The following RASGEF1B variants were observed in gnomAD, a reference collection of about 807,000 sequenced individuals.
The protein encoded by RASGEF1B is RasGEF domain family member 1B, also known as ras-GEF domain-containing family member 1B.
Under a neutral mutation model 65.7 loss-of-function variants are expected in RASGEF1B, and 30 were observed. That is an observed-to-expected ratio of 0.46 (90% CI 0.34 to 0.62). RASGEF1B has a LOEUF of 0.62. Among genes scored for constraint, RASGEF1B ranks in the 20% least tolerant of loss-of-function variants. The pLI is 0.01. For synonymous variants in RASGEF1B, 175 were observed against 194.8 expected, an observed-to-expected ratio of 0.90 and a Z score of 0.85; for missense variants, 495 against 580.1, an observed-to-expected ratio of 0.85 and a Z score of 1.51.
intron 1 of RASGEF1B, among the ~76,000 whole-genome samples, chr4:81,471,467 C>A (rs187567720): frequency 0.013 from 1,920 of 152,270 alleles, 38 homozygotes; most frequent in African/African-American, 0.044. Context: ...CGGGTCCCAG[C>A]GGCTCGGCCT....
At chr4:81,452,583 C>T (rs1332291070) in intron 4 of RASGEF1B, 2 of 152,168 alleles carry the variant, frequency 1.3e-5, no homozygotes, top group African/African-American at 4.8e-5. Flanking sequence ...ATGTATATGA[C>T]CTCTTTTAAA....
chr4:81,448,126 G>C lies in RASGEF1B; in HGVS notation c.597C>G (p.Ile199Met), dbSNP rs755985303. Reference sequence around the variant, plus strand: ...TGTAAGGGTCGTTGCAGACAGTAATGATATCCCTTTGTATAGACTGTGGCT... The same window carrying C: ...TGTAAGGGTCGTTGCAGACAGTAATCATATCCCTTTGTATAGACTGTGGCT... ...KTKPQSIQRD[I>M]ITVCNDPYTL... The change falls in exon 5 of 14, where the codon ATC becomes ATG. Residue 199 changes from isoleucine to methionine, a missense_variant. By Grantham distance (10) the Ile-to-Met change is conservative (BLOSUM62 1). Transcript: ENST00000264400. 1 of 1,614,154 alleles carries C rather than the reference G, an allele frequency of 6.2e-7. No individual in the cohort carries two copies. The highest frequency in any genetic ancestry group is 2.2e-5 in the East Asian group (1 of 44,872).
At chr4:81,431,354 C>A (rs905615774) in intron 13 of RASGEF1B, among the ~76,000 whole-genome samples, 1 of 151,732 alleles carries the variant, frequency 6.6e-6, no homozygotes, top group Non-Finnish European at 1.5e-5. Context: ...TAGGCATTAG[C>A]CAAACCTTCT....
At chr4:81,465,871 T>G (rs1722784933) in intron 1 of RASGEF1B, among the ~76,000 whole-genome samples, 1 of 152,148 alleles carries the variant, frequency 6.6e-6, no homozygotes, top group Admixed American at 6.5e-5. Flanking sequence ...GAATGTCAAG[T>G]CAGCATTTCC....
In RASGEF1B at chr4:81,432,353, T is replaced by C. The variant is rs756500953; in HGVS notation, c.1343A>G (p.Tyr448Cys). ...FSEDALYLAS[Y>C]ESEGPENHIE... ...ATGATTTTCAGGTCCTTCACTCTCATAAGAAGCCAAGTAGAGAGCTACAAT... is the reference window on the plus strand; with the variant it reads ...ATGATTTTCAGGTCCTTCACTCTCACAAGAAGCCAAGTAGAGAGCTACAAT... Residue 448 changes from tyrosine (Y) to cysteine (C), a missense_variant, in exon 13 of 14, where the codon TAT (tyrosine) becomes TGT (cysteine). Tyr to Cys is a radical substitution (Grantham distance 194). Transcript: ENST00000264400. 6.2e-6 allele frequency: 10 copies of C among 1,608,794 alleles called. No homozygotes were observed. Among genetic ancestry groups the C allele is most frequent in the Admixed American group, 3.3e-5 (2 of 59,876 alleles).
At chr4:81,462,921 T>G (rs1217902970) in intron 1 of RASGEF1B, among the ~76,000 whole-genome samples, 1 of 152,172 alleles carries the variant, frequency 6.6e-6, no homozygotes, top group African/African-American at 2.4e-5. Context: ...TTTGACTATA[T>G]AAGAAGCTGA....
At chr4:81,451,123 C>T (rs1038700741) in intron 4 of RASGEF1B, 3 of 152,088 alleles carry the variant, frequency 2.0e-5, no homozygotes, top group Non-Finnish European at 2.9e-5. Context: ...ATACATGTTA[C>T]AAAGTTGAAG....
chr4:81,441,388 T>G (rs535449961), intron 9 of RASGEF1B, among the ~76,000 whole-genome samples: 2 of 152,168 alleles, frequency 1.3e-5, no homozygotes, highest in Non-Finnish European at 2.9e-5. Flanking sequence ...GAATAGATCA[T>G]AACATTATAT....
intron 9 of RASGEF1B, among the ~76,000 whole-genome samples, 155 bp from the exon 10 acceptor site, chr4:81,441,084 C>A (rs1263832196): frequency 6.6e-6 from 1 of 152,200 alleles, no homozygotes; most frequent in Non-Finnish European, 1.5e-5. Flanking sequence ...CACAAATGCA[C>A]ATGACACAAG....
intron 4 of RASGEF1B, chr4:81,454,466 A>G (rs985232435): frequency 2.6e-5 from 4 of 152,236 alleles, no homozygotes; most frequent in East Asian, 1.9e-4. Flanking sequence ...CAGCCTTCAT[A>G]CAAGAAAAAG....
chr4:81,452,468 TTG>T (rs1352647803), intron 4 of RASGEF1B: 1 of 152,164 alleles, frequency 6.6e-6, no homozygotes, highest in Non-Finnish European at 1.5e-5. Context: ...TATAATCAGG[TTG>T]TTAGCAAAAA....
At chr4:81,438,537 G>A (rs908579796) in intron 10 of RASGEF1B, among the ~76,000 whole-genome samples, 7 of 152,214 alleles carry the variant, frequency 4.6e-5, no homozygotes, top group African/African-American at 1.4e-4. Flanking sequence ...AAAAGAGATG[G>A]CATTTTTTTA....
intron 4 of RASGEF1B, chr4:81,451,067 G>C (rs1262821638): frequency 6.6e-6 from 1 of 152,136 alleles, no homozygotes; most frequent in Admixed American, 6.5e-5. Context: ...ATCCAGGGTA[G>C]AATCGCTTCT....
intron 10 of RASGEF1B, among the ~76,000 whole-genome samples, chr4:81,437,997 AATAT>A (rs1412866698): frequency 6.6e-6 from 1 of 152,220 alleles, no homozygotes; most frequent in East Asian, 1.9e-4. Context: ...CTCAGGTAAT[AATAT>A]TTTCGAATTT....
chr4:81,435,580 T>C (rs1484903177), intron 10 of RASGEF1B, among the ~76,000 whole-genome samples: 1 of 139,688 alleles, frequency 7.2e-6, no homozygotes, highest in East Asian at 2.4e-4. Context: ...GCCATTCTCC[T>C]GCCTCAGCCT....
At chr4:81,451,831 A>G (rs750782300) in intron 4 of RASGEF1B, 1 of 152,216 alleles carries the variant, frequency 6.6e-6, no homozygotes. Flanking sequence ...TCATTCCTAC[A>G]TCATGCACCT....
intron 13 of RASGEF1B, among the ~76,000 whole-genome samples, chr4:81,428,996 C>T (rs574522067): frequency 6.6e-6 from 1 of 152,372 alleles, no homozygotes; most frequent in East Asian, 1.9e-4. Context: ...CAGTACCATT[C>T]AATGACACTA....
chr4:81,429,407 G>A (rs560759988), intron 13 of RASGEF1B, among the ~76,000 whole-genome samples: 11 of 152,262 alleles, frequency 7.2e-5, no homozygotes, highest in African/African-American at 9.6e-5. Context: ...ATTGATACGG[G>A]AGTGCTGGGA....
intron 4 of RASGEF1B, chr4:81,453,980 C>T (rs2109987339): frequency 6.6e-6 from 1 of 152,346 alleles, no homozygotes; most frequent in South Asian, 2.1e-4. Flanking sequence ...CCGATCAAGG[C>T]AGGTGACATC....
Sources: allele counts gnomAD v4.1 joint callset (sites outside exome capture counted in the v4.1 genomes callset), GRCh38; gene constraint gnomAD v4.1.1; transcripts MANE v1.5; gene names NCBI Gene and HGNC (gene_info 2026-07-23, HGNC 2026-07-21).